PPA1: variants seen among roughly 807,000 people sequenced by gnomAD.
PPA1 encodes inorganic pyrophosphatase.
In PPA1, 23 loss-of-function variants were observed where a neutral mutation model predicts 41.8. The ratio of observed to expected loss-of-function variants is 0.55; its 90% CI spans 0.40 to 0.78. The LOEUF is 0.78. Ranked by LOEUF, PPA1 falls within the 30% of genes least tolerant of loss-of-function variation. The pLI, the probability that PPA1 is intolerant of heterozygous loss-of-function variation, is 0.00. For missense variants in PPA1, 320 were observed against 361.6 expected (o/e 0.89, Z 0.93); for synonymous variants, 101 against 116.8 (o/e 0.86, Z 0.87).
intron 1 of PPA1, 151 bp from the exon 2 acceptor site, chr10:70,230,550 T>G: frequency 1.3e-6 from 1 of 773,242 alleles, no homozygotes; most frequent in Non-Finnish European, 2.0e-6. Context: ...CCACTTCTGT[T>G]TCCCTCTTGA....
Position 70,210,513 on chromosome 10 carries a change from A to C in PPA1, c.512-828T>G, listed in dbSNP as rs570185324. 494 of 1,089,846 alleles carry C rather than the reference A, an allele frequency of 4.5e-4. 5 individuals carry two copies. The South Asian group carries it at 5.1e-3, about 11-fold the overall frequency. 67.5% of individuals were successfully genotyped at this position (1,089,846 alleles called of 1,614,324 possible). A position where few individuals can be genotyped will look rare whatever the true frequency, so the allele number is the denominator to read the frequency against. On this transcript the variant is annotated intron_variant, in intron 6 of 10. Coordinates refer to ENST00000373232, the MANE Select transcript of PPA1 (RefSeq NM_021129.4). Reference sequence around the variant, plus strand: ...TTGCTGGATAGTACAGGCACTGTACATAACAATACTTTAGTTCTGGCTGAC... The same window carrying C: ...TTGCTGGATAGTACAGGCACTGTACCTAACAATACTTTAGTTCTGGCTGAC...
At chr10:70,232,120 T>C (rs1196107496) in intron 1 of PPA1, among the ~76,000 whole-genome samples, 1 of 152,220 alleles carries the variant, frequency 6.6e-6, no homozygotes, top group Non-Finnish European at 1.5e-5. Context: ...TACCTGATAG[T>C]TAACCTTTGG....
In PPA1 at chr10:70,202,952, T is replaced by C. The variant is rs979164636; in HGVS notation, c.*203A>G. ...TGACAACTGCTTTGATATTTAAGCATGTGCTAAAAGTTATCTTAGTTGAGA... is the reference window on the plus strand; with the variant it reads ...TGACAACTGCTTTGATATTTAAGCACGTGCTAAAAGTTATCTTAGTTGAGA... On this transcript the variant is annotated 3_prime_UTR_variant, in exon 11 of 11. Transcript: ENST00000373232. 5 of 587,850 alleles carry C rather than the reference T, an allele frequency of 8.5e-6. No individual in the cohort carries two copies. The highest frequency in any genetic ancestry group is 1.5e-5 in the Non-Finnish European group (5 of 337,290). 36.4% of individuals were successfully genotyped at this position (587,850 alleles called of 1,614,324 possible).
At position 70,206,313 on chromosome 10, in the gene PPA1, TCAGA is replaced by T. The variant is rs751295072; in HGVS notation, c.742_745del (p.Ser248ArgfsTer78). On this transcript the variant is annotated frameshift_variant, in exon 9 of 11. Transcript: ENST00000373232. LOFTEE classifies it high-confidence loss of function. ...ATCAGGATCACACTTGAAGGGGCTC[TCAGA>T]CAAAGTTGTATTCATGCTATTAAAT... 81 of 1,612,724 alleles carry T rather than the reference TCAGA, an allele frequency of 5.0e-5. No homozygotes were observed. Among genetic ancestry groups the T allele is most frequent in the Non-Finnish European group, 6.4e-5 (75 of 1,178,910 alleles).
chr10:70,209,265 C>T lies in PPA1; in HGVS notation c.665G>A (p.Ser222Asn). 1 of 1,598,946 alleles carries T rather than the reference C, an allele frequency of 6.3e-7. No individual in the cohort carries two copies. The highest frequency in any genetic ancestry group is 1.1e-5 in the South Asian group (1 of 90,684). ...DKDFAIDIIK[S>N]THDHWKALVT... Reference sequence around the variant, plus strand: ...TAATGCTTTCCAATGGTCATGAGTGCTTTTAATAATATCAATGGCAAAGTC... The same window carrying T: ...TAATGCTTTCCAATGGTCATGAGTGTTTTTAATAATATCAATGGCAAAGTC... Residue 222 changes from serine to asparagine, a missense_variant, in exon 8 of 11, where the codon AGC (serine) becomes AAC (asparagine). Ser to Asn is a conservative substitution (Grantham distance 46). Transcript: ENST00000373232.
intron 8 of PPA1, among the ~76,000 whole-genome samples, chr10:70,208,434 G>T (rs960326920): frequency 2.6e-5 from 4 of 152,004 alleles, no homozygotes; most frequent in Admixed American, 1.3e-4. Context: ...GATCTCCAAG[G>T]CTCAAGTGAT....
chr10:70,206,865 AGGAGGGGAGG>A (rs77729015), intron 8 of PPA1, among the ~76,000 whole-genome samples: 222 of 8,660 alleles, frequency 0.026, 10 homozygotes, highest in Non-Finnish European at 0.032. Flanking sequence ...AGGAGAGGAG[AGGAGGGGAGG>A]GGAGGGGAGG....
At chr10:70,220,469 C>CAT (rs1441983476) in intron 2 of PPA1, among the ~76,000 whole-genome samples, 1 of 109,458 alleles carries the variant, frequency 9.1e-6, no homozygotes, top group Admixed American at 1.4e-4. Context: ...CGTGTATGTG[C>CAT]ATATATATAT....
Position 70,214,524 on chromosome 10 carries a change from A to C in PPA1, c.360T>G (p.Ile120Met), listed in dbSNP as rs1840056723. 6.2e-7 allele frequency: 1 copy of C among 1,613,510 alleles called. No individual in the cohort carries two copies. Among genetic ancestry groups the C allele is most frequent in the South Asian group, 1.1e-5 (1 of 91,008 alleles). The change falls in exon 5 of 11, where the codon ATT becomes ATG. Residue 120 changes from isoleucine to methionine, a missense_variant. Transcript: ENST00000373232. ...CCTTGCTTCCAATTTCACACACATC[A>C]ATTGGGTCATTGTCACCACAACAGC... is the stretch of plus-strand genomic sequence containing the variant. ...HTGCCGDNDPIDVCEIGSKVC... is the reference protein window; with the variant it reads ...HTGCCGDNDPMDVCEIGSKVC...
chr10:70,225,729 A>G lies in PPA1; in HGVS notation c.123+4612T>C, dbSNP rs200147078. On this transcript the variant is annotated intron_variant, in intron 2 of 10. Coordinates refer to ENST00000373232, the MANE Select transcript of PPA1 (RefSeq NM_021129.4). Reference sequence around the variant, plus strand: ...AGAAGAGCTCACGTAGTTAAAAGAAAATGTTCCATCCCCATAAAGATGCTT... The same window carrying G: ...AGAAGAGCTCACGTAGTTAAAAGAAGATGTTCCATCCCCATAAAGATGCTT... Among the ~76,000 whole-genome samples the G allele has an allele frequency of 2.2e-4, 34 of 152,148 alleles. No individual in the cohort carries two copies. The East Asian group carries it at 6.4e-3, about 29-fold the overall frequency.
At chr10:70,206,852 G>A (rs1176545813) in intron 8 of PPA1, among the ~76,000 whole-genome samples, 3 of 90,048 alleles carry the variant, frequency 3.3e-5, no homozygotes, top group South Asian at 5.2e-4. Flanking sequence ...CAATAAGGAG[G>A]AGAGGAGAGG....
intron 6 of PPA1, among the ~76,000 whole-genome samples, chr10:70,211,065 T>C (rs1221875331): frequency 6.6e-6 from 1 of 152,160 alleles, no homozygotes; most frequent in South Asian, 2.1e-4. Flanking sequence ...GCCCGGCCGC[T>C]TCAATCCAAT....
intron 1 of PPA1, among the ~76,000 whole-genome samples, chr10:70,231,100 C>G (rs2136774097): frequency 6.6e-6 from 1 of 152,290 alleles, no homozygotes; most frequent in East Asian, 1.9e-4. Flanking sequence ...TTATGACTTT[C>G]TTTAAGGATA....
intron 1 of PPA1, among the ~76,000 whole-genome samples, 169 bp downstream of exon 1, chr10:70,233,095 C>A (rs1441747769): frequency 6.6e-6 from 1 of 152,120 alleles, no homozygotes; most frequent in Non-Finnish European, 1.5e-5. Context: ...CCCCGACCGG[C>A]GGCGGCAAGT....
rs1840105085 is a variant in PPA1, at chr10:70,218,806, G to A, written c.135C>T (p.His45=). The A allele has an allele frequency of 6.2e-7, 1 of 1,611,848 alleles. No homozygotes were observed. Among genetic ancestry groups the A allele is most frequent in the Non-Finnish European group, 8.5e-7 (1 of 1,178,346 alleles). The change falls in exon 3 of 11, where the codon CAC becomes CAT. Residue 45 remains histidine (H), a synonymous_variant. Coordinates refer to ENST00000373232, the MANE Select transcript of PPA1 (RefSeq NM_021129.4). ...ACCAGCGTGGTACTTCAACTACCAT[G>A]TGAAACACATCCTGAAAAAACAAAG... ...IPIYADKDVF[H]MVVEVPRWSN... is the part of the protein sequence containing the mutation.
chr10:70,204,814 CAT>C (rs1173536891), intron 10 of PPA1, 57 bp downstream of exon 10: 3 of 1,318,366 alleles, frequency 2.3e-6, no homozygotes, highest in Admixed American at 4.2e-5. Flanking sequence ...ATAAAAGTAA[CAT>C]AATTTTTCCA....
intron 2 of PPA1, among the ~76,000 whole-genome samples, chr10:70,224,046 A>T (rs1212240709): frequency 6.6e-6 from 1 of 152,154 alleles, no homozygotes; most frequent in Non-Finnish European, 1.5e-5. Context: ...TACCTTGCTG[A>T]TAAACCAGTG....
intron 9 of PPA1, 27 bp downstream of exon 9, chr10:70,206,235 GTT>G (rs562005919): frequency 2.5e-5 from 32 of 1,294,318 alleles, no homozygotes; most frequent in South Asian, 4.2e-5. Flanking sequence ...AACCAGGCTT[GTT>G]TTTTTTTTAA....
Position 70,233,393 on chromosome 10 carries a change from A to AG in PPA1, c.-67dup. On this transcript the variant is annotated 5_prime_UTR_variant, in exon 1 of 11. Transcript: ENST00000373232. ...AGCCCGCACGCGGCGCCGACTGACA[A>AG]GGAGAGAGCCCCACGCCTGCGCACT... 1 of 1,519,320 alleles carries AG rather than the reference A, an allele frequency of 6.6e-7. No homozygotes were observed. Among genetic ancestry groups the AG allele is most frequent in the Non-Finnish European group, 8.8e-7 (1 of 1,138,258 alleles). The allele number at this position is 1,519,320 out of a possible 1,614,324, so 94.1% of individuals were successfully genotyped here.
Sources: gnomAD v4.1 joint callset for allele counts (sites outside exome capture counted in the v4.1 genomes callset) on GRCh38, gnomAD v4.1.1 for gene constraint, MANE v1.5 for transcripts, NCBI Gene and HGNC (gene_info 2026-07-23, HGNC 2026-07-21) for gene names.